GALNT13: variants seen among roughly 807,000 people sequenced by gnomAD.
GALNT13 encodes the protein polypeptide N-acetylgalactosaminyltransferase 13.
In GALNT13, 28 loss-of-function variants were observed where a neutral mutation model predicts 64.2. The observed-to-expected ratio is 0.44, with a 90% CI of 0.32 to 0.60. The LOEUF is 0.60. Ranked by LOEUF, GALNT13 falls within the 20% of genes least tolerant of loss-of-function variation. The pLI, the probability that GALNT13 is intolerant of heterozygous loss-of-function variation, is 0.05. For missense variants in GALNT13, 577 were observed against 669.8 expected (o/e 0.86, Z 1.53); for synonymous variants, 214 against 224.6 (o/e 0.95, Z 0.42).
the GALNT13 span, among the ~76,000 whole-genome samples, chr2:153,173,774 A>C: frequency 5.9e-4 from 90 of 152,250 alleles, no homozygotes; most frequent in African/African-American, 2.1e-3. Context: ...AACACTATCA[A>C]ATCAAAGTCT....
the GALNT13 span, among the ~76,000 whole-genome samples, chr2:153,622,606 AT>A: frequency 1.8e-3 from 268 of 152,236 alleles, 2 homozygotes; most frequent in African/African-American, 6.3e-3. Context: ...GCATTTCATA[AT>A]TTTTTTCTAG....
intron 9 of GALNT13, among the ~76,000 whole-genome samples, chr2:154,386,700 C>CA (rs1355763764): frequency 1.3e-5 from 2 of 151,994 alleles, no homozygotes; most frequent in Non-Finnish European, 2.9e-5. Context: ...TTTTGATAGC[C>CA]TGCAGACTGT....
chr2:153,300,195 G>A, the GALNT13 span, among the ~76,000 whole-genome samples: 1 of 152,278 alleles, frequency 6.6e-6, no homozygotes, highest in African/African-American at 2.4e-5. Context: ...TTTAGTTTGC[G>A]CTCCCCTAGT....
At chr2:153,188,266 C>A in the GALNT13 span, among the ~76,000 whole-genome samples, 1 of 152,014 alleles carries the variant, frequency 6.6e-6, no homozygotes, top group African/African-American at 2.4e-5. Flanking sequence ...AATTTTACCT[C>A]CTATTGGGTG....
intron 3 of GALNT13, among the ~76,000 whole-genome samples, chr2:154,062,160 T>C (rs1700220799): frequency 6.6e-6 from 1 of 152,208 alleles, no homozygotes; most frequent in African/African-American, 2.4e-5. Flanking sequence ...CAAACTCTAA[T>C]AGTTTTGCCA....
At chr2:153,179,363 G>A in the GALNT13 span, among the ~76,000 whole-genome samples, 1 of 152,154 alleles carries the variant, frequency 6.6e-6, no homozygotes, top group Non-Finnish European at 1.5e-5. Flanking sequence ...ATTGATCAGA[G>A]ATGAGTGGGT....
At chr2:154,442,633 A>G (rs557290504) in intron 12 of GALNT13, among the ~76,000 whole-genome samples, 5 of 152,264 alleles carry the variant, frequency 3.3e-5, no homozygotes, top group Non-Finnish European at 7.4e-5. Flanking sequence ...AAGTTCTGTC[A>G]TCCATTAATT....
chr2:154,370,835 A>G (rs1261432259), intron 9 of GALNT13, among the ~76,000 whole-genome samples: 1 of 152,172 alleles, frequency 6.6e-6, no homozygotes, highest in Non-Finnish European at 1.5e-5. Context: ...AATCCACTGG[A>G]CTAAATGAGA....
chr2:154,171,094 T>C (rs1685321429), intron 4 of GALNT13, among the ~76,000 whole-genome samples: 3 of 152,090 alleles, frequency 2.0e-5, no homozygotes, highest in African/African-American at 7.2e-5. Context: ...TCTTAGACAC[T>C]CAGCAATGTT....
intron 4 of GALNT13, among the ~76,000 whole-genome samples, chr2:154,226,008 G>A (rs577500256): frequency 6.6e-6 from 1 of 152,182 alleles, no homozygotes; most frequent in South Asian, 2.1e-4. Context: ...AAAAGTTAAA[G>A]GGTGGGGAGT....
At chr2:153,492,489 A>G in the GALNT13 span, among the ~76,000 whole-genome samples, 2 of 152,172 alleles carry the variant, frequency 1.3e-5, no homozygotes, top group Non-Finnish European at 2.9e-5. Context: ...CAAGCGGTCT[A>G]CATAAAAGAC....
intron 8 of GALNT13, among the ~76,000 whole-genome samples, chr2:154,290,331 G>C (rs541163343): frequency 1.3e-5 from 2 of 152,176 alleles, no homozygotes; most frequent in Non-Finnish European, 2.9e-5. Flanking sequence ...AGAGATTGCA[G>C]AAATTTATCT....
At chr2:153,897,756 C>T (rs59315588) in intron 1 of GALNT13, among the ~76,000 whole-genome samples, 13,438 of 152,010 alleles carry the variant, frequency 0.088, 1,563 homozygotes, top group East Asian at 0.62. Context: ...AAGGAGTTTT[C>T]CCTTCTTAAT....
the GALNT13 span, among the ~76,000 whole-genome samples, chr2:153,485,282 G>C: frequency 6.6e-6 from 1 of 151,950 alleles, no homozygotes; most frequent in African/African-American, 2.4e-5. Context: ...TTTTAAATTA[G>C]GCTGTATTCT....
chr2:154,150,708 T>C (rs972407868), intron 4 of GALNT13, among the ~76,000 whole-genome samples: 4 of 152,252 alleles, frequency 2.6e-5, no homozygotes, highest in African/African-American at 9.6e-5. Flanking sequence ...TTTTCTAGTT[T>C]ATTTGCATAG....
the GALNT13 span, among the ~76,000 whole-genome samples, chr2:153,088,123 A>T: frequency 6.6e-6 from 1 of 151,848 alleles, no homozygotes; most frequent in African/African-American, 2.4e-5. Context: ...CTTTCTTAGC[A>T]CTGTTTTTGC....
the GALNT13 span, among the ~76,000 whole-genome samples, chr2:153,335,207 A>G: frequency 1.3e-5 from 2 of 152,184 alleles, no homozygotes; most frequent in African/African-American, 4.8e-5. Flanking sequence ...AGCAGCATGA[A>G]AATGGACTAA....
At chr2:153,724,222 T>C in the GALNT13 span, among the ~76,000 whole-genome samples, 1 of 143,480 alleles carries the variant, frequency 7.0e-6, no homozygotes, top group Non-Finnish European at 1.5e-5. Flanking sequence ...CCCTATTTAA[T>C]AAATGGTGCT....
intron 4 of GALNT13, among the ~76,000 whole-genome samples, chr2:154,142,869 G>C (rs1267528993): frequency 6.6e-6 from 1 of 151,468 alleles, no homozygotes; most frequent in African/African-American, 2.4e-5. Context: ...TTTGTATATA[G>C]ATACATTTAA....
Sources: gnomAD v4.1 joint callset for allele counts (sites outside exome capture counted in the v4.1 genomes callset) on GRCh38, gnomAD v4.1.1 for gene constraint, MANE v1.5 for transcripts, NCBI Gene and HGNC (gene_info 2026-07-23, HGNC 2026-07-21) for gene names.